RBM23: variants seen among roughly 807,000 people sequenced by gnomAD.
RBM23 encodes RNA binding motif protein 23.
Under a neutral mutation model 56.2 loss-of-function variants are expected in RBM23, and 53 were observed. The observed-to-expected ratio is 0.94, with a 90% CI of 0.76 to 1.19. The LOEUF (loss-of-function observed/expected upper bound fraction) is 1.19, where lower values mean the gene tolerates loss of function less well. RBM23 is among the 50% of genes most tolerant of loss of function. The pLI, the probability that RBM23 is intolerant of heterozygous loss-of-function variation, is 0.00. For synonymous variants in RBM23, 197 were observed against 198.5 expected (o/e 0.99, Z 0.06); for missense variants, 642 against 590.3 (o/e 1.09, Z -0.91).
chr14:22,908,937 C>T (rs2042020583), intron 3 of RBM23, among the ~76,000 whole-genome samples: 1 of 150,374 alleles, frequency 6.7e-6, no homozygotes, highest in Admixed American at 6.8e-5. Context: ...AATCAGGGGT[C>T]CTCTTGCTAT....
rs1240622490 is a variant in RBM23 at position 22,896,445 on chromosome 14, C to T, written c.*5285G>A. On this transcript the variant is annotated 3_prime_UTR_variant, in exon 14 of 14. Coordinates refer to ENST00000359890, the MANE Select transcript of RBM23 (RefSeq NM_001077351.2). ...CCACTAATTCTAAGCAAGTAGGCTT[C>T]CTGATGCCTGAAAGCTGACTGAAAC... is the stretch of plus-strand genomic sequence containing the variant. 1 of 152,180 alleles carries T rather than the reference C, an allele frequency of 6.6e-6. No homozygotes were observed. The highest frequency in any genetic ancestry group is 1.9e-4 in the East Asian group (1 of 5,202). 9.4% of individuals were successfully genotyped at this position (152,180 alleles called of 1,614,324 possible).
chr14:22,908,418 A>C, intron 3 of RBM23, 38 bp from the exon 4 acceptor site: 1 of 1,515,208 alleles, frequency 6.6e-7, no homozygotes. Flanking sequence ...TTTTTTTTTA[A>C]TTTTGAGAAA....
At chr14:22,916,891 A>C (rs1482490513) in intron 1 of RBM23, 1 of 151,648 alleles carries the variant, frequency 6.6e-6, no homozygotes, top group Admixed American at 6.6e-5. Flanking sequence ...TTTTTTTGAG[A>C]GAGTTTCACT....
chr14:22,902,541 A>G, intron 10 of RBM23, 159 bp from the exon 11 acceptor site: 1 of 1,350,932 alleles, frequency 7.4e-7, no homozygotes, highest in Non-Finnish European at 9.6e-7. Flanking sequence ...CATCACCTCA[A>G]AATGGTTCTC....
rs1179640153 is a variant in RBM23, at chr14:22,903,143, C to T, written c.931-761G>A. 7.1e-6 allele frequency: 7 copies of T among 985,318 alleles called. No homozygotes were observed. In the African/African-American group the frequency reaches 1.0e-4, roughly 15 times the overall value. The allele number at this position is 985,318 out of a possible 1,614,324, so 61.0% of individuals were successfully genotyped here. A position where few individuals can be genotyped will look rare whatever the true frequency, so the allele number is the denominator to read the frequency against. ...ATTCCAGGCTTAAGAGGGAACACAC[C>T]CTAGTGCTGACAGCAAGGCAGAACC... On this transcript the variant is annotated intron_variant, in intron 10 of 13. Transcript: ENST00000359890.
chr14:22,908,387 AAG>A lies in RBM23; in HGVS notation c.180-9_180-8del. On this transcript the variant is annotated splice_region_variant and splice_polypyrimidine_tract_variant and intron_variant, in intron 3 of 13. Coordinates refer to ENST00000359890, the MANE Select transcript of RBM23 (RefSeq NM_001077351.2). ...GCTCCGACTCCTCTTCTTCCTGTGA[AAG>A]AGAGTACATTCTTCTTTTTTTTTTT... The A allele has an allele frequency of 1.2e-5, 19 of 1,547,486 alleles. No individual in the cohort carries two copies. The highest frequency in any genetic ancestry group is 2.7e-5 in the African/African-American group (2 of 73,002).
rs758895195 is a variant in RBM23, at chr14:22,906,199, T to C, written c.397A>G (p.Thr133Ala). The C allele has an allele frequency of 1.2e-6, 2 of 1,614,052 alleles. No individual in the cohort carries two copies. The highest frequency in any genetic ancestry group is 2.2e-5 in the South Asian group (2 of 91,076). ...RVHYRSPPLA[T>A]GYRYGHSKSP... ...TCTATTAGCAAAAAGTGATACCCAG[T>C]GGCAAGTGGAGGACTCCTGTAATGC... The change falls in exon 5 of 14, where the codon ACT (threonine) becomes GCT (alanine). Residue 133 changes from threonine (T) to alanine (A), a missense_variant. Physicochemically the swap from Thr to Ala is moderately conservative, Grantham distance 58. Transcript: ENST00000359890.
intron 5 of RBM23, 60 bp from the exon 6 acceptor site, chr14:22,905,719 T>G: frequency 7.6e-7 from 1 of 1,323,030 alleles, no homozygotes; most frequent in South Asian, 1.2e-5. Flanking sequence ...ATGCTGGGTC[T>G]TCCATGGTGA....
chr14:22,913,674 C>T (rs1395369322), intron 1 of RBM23: 1 of 151,760 alleles, frequency 6.6e-6, no homozygotes, highest in South Asian at 2.1e-4. Context: ...ATGGTGAAAC[C>T]TCATCTCTAC....
chr14:22,909,627 T>C lies in RBM23; in HGVS notation c.67-32A>G, dbSNP rs1297429739. The C allele has an allele frequency of 3.9e-6, 6 of 1,553,130 alleles. No individual in the cohort carries two copies. The Admixed American group carries it at 1.0e-4, about 26-fold the overall frequency. On this transcript the variant is annotated intron_variant, in intron 2 of 13. Transcript: ENST00000359890. ...CATTCACCAGGAAAATGTCACAAGG[T>C]ATAAGGTGGCAGACACACAGATTCC...
Position 22,912,872 on chromosome 14 carries a change from C to T in RBM23, c.-10-1469G>A, listed in dbSNP as rs1033333013. On this transcript the variant is annotated intron_variant, in intron 1 of 13. Transcript: ENST00000359890. ...AAAATTAGCTGGACGTGGTGGCACGCGCCTGTAGGCCCAGCTACTCGGGAG... is the reference window on the plus strand; with the variant it reads ...AAAATTAGCTGGACGTGGTGGCACGTGCCTGTAGGCCCAGCTACTCGGGAG... 1.1e-4 allele frequency among the ~76,000 whole-genome samples: 16 copies of T among 151,518 alleles called. No individual in the cohort carries two copies. In the South Asian group the frequency reaches 2.9e-3, roughly 28 times the overall value.
At chr14:22,908,186 A>C in intron 4 of RBM23, 147 bp downstream of exon 4, 2 of 787,980 alleles carry the variant, frequency 2.5e-6, no homozygotes, top group Non-Finnish European at 3.9e-6. Flanking sequence ...ACACCTGGGT[A>C]ATTTTTAAAT....
At chr14:22,904,129 C>A in intron 10 of RBM23, 132 bp downstream of exon 10, 1 of 1,560,530 alleles carries the variant, frequency 6.4e-7, no homozygotes, top group South Asian at 1.2e-5. Context: ...GAAGGCTAGT[C>A]CAAGCTTCAG....
Position 22,898,717 on chromosome 14 carries a change from C to G in RBM23, c.*3013G>C, listed in dbSNP as rs1436128438. 1 of 151,488 alleles carries G rather than the reference C, an allele frequency of 6.6e-6. No homozygotes were observed. The highest frequency in any genetic ancestry group is 1.5e-5 in the Non-Finnish European group (1 of 67,988). 9.4% of individuals were successfully genotyped at this position (151,488 alleles called of 1,614,324 possible). On this transcript the variant is annotated 3_prime_UTR_variant, in exon 14 of 14. Coordinates refer to ENST00000359890, the MANE Select transcript of RBM23 (RefSeq NM_001077351.2). ...GTGGAAGGATCCGAGTGTAGGAAGG[C>G]CAAGGTAGCTAGGGATGGAAACATA...
intron 1 of RBM23, among the ~76,000 whole-genome samples, chr14:22,913,161 T>A (rs1210231994): frequency 6.6e-6 from 1 of 151,572 alleles, no homozygotes; most frequent in East Asian, 1.9e-4. Context: ...ATGCTTGTAA[T>A]CCCAGCACTT....
chr14:22,911,626 G>C (rs2139062549), intron 1 of RBM23: 1 of 346,672 alleles, frequency 2.9e-6, no homozygotes, highest in East Asian at 5.3e-5. Flanking sequence ...GAACAGTCAA[G>C]GATAGTCCGG....
rs1385124453 is a variant in RBM23, at chr14:22,896,108, A to G, written c.*5622T>C. 6.6e-6 allele frequency: 1 copy of G among 152,196 alleles called. No individual in the cohort carries two copies. The highest frequency in any genetic ancestry group is 2.4e-5 in the African/African-American group (1 of 41,456). 9.4% of individuals were successfully genotyped at this position (152,196 alleles called of 1,614,324 possible). A position where few individuals can be genotyped will look rare whatever the true frequency, so the allele number is the denominator to read the frequency against. On this transcript the variant is annotated 3_prime_UTR_variant, in exon 14 of 14. Transcript: ENST00000359890. ...TAAACCTTGAGCTCTAAAGTTGGGGAGAATGAAGTCAGCTAGAAAATCAAG... is the reference window on the plus strand; with the variant it reads ...TAAACCTTGAGCTCTAAAGTTGGGGGGAATGAAGTCAGCTAGAAAATCAAG...
chr14:22,909,628 A>G, intron 2 of RBM23, 33 bp from the exon 3 acceptor site: 2 of 1,542,758 alleles, frequency 1.3e-6, no homozygotes, highest in South Asian at 2.2e-5. Context: ...GTCACAAGGT[A>G]TAAGGTGGCA....
rs1405623268 is a variant in RBM23, at chr14:22,898,654, G to A, written c.*3076C>T. The stretch of plus-strand genomic sequence containing the variant: ...TCCAACATTGTCTCTCTCCCAGCAA[G>A]AGGCTATGTGAGGAACTAAGAACAA... On this transcript the variant is annotated 3_prime_UTR_variant, in exon 14 of 14. Transcript: ENST00000359890. 3 of 151,914 alleles carry A rather than the reference G, an allele frequency of 2.0e-5. No homozygotes were observed. The highest frequency in any genetic ancestry group is 7.3e-5 in the African/African-American group (3 of 41,342). The allele number at this position is 151,914 out of a possible 1,614,324, so 9.4% of individuals were successfully genotyped here. A position where few individuals can be genotyped will look rare whatever the true frequency, so the allele number is the denominator to read the frequency against.
Sources: gnomAD v4.1 joint callset for allele counts (sites outside exome capture counted in the v4.1 genomes callset) on GRCh38, gnomAD v4.1.1 for gene constraint, MANE v1.5 for transcripts, NCBI Gene and HGNC (gene_info 2026-07-23, HGNC 2026-07-21) for gene names.